MGMT: variants seen among roughly 807,000 people sequenced by gnomAD.
MGMT encodes the protein O-6-methylguanine-DNA methyltransferase.
Under a neutral mutation model 15.9 loss-of-function variants are expected in MGMT, and 14 were observed. The observed-to-expected ratio is 0.88, with a 90% CI of 0.58 to 1.37. MGMT has a LOEUF of 1.37. Ranked by LOEUF, MGMT falls within the 40% of genes most tolerant of loss-of-function variation. The pLI, the probability that MGMT is intolerant of heterozygous loss-of-function variation, is 0.00. For synonymous variants in MGMT, 130 were observed against 118.2 expected (o/e 1.10, Z -0.65); for missense variants, 282 against 268.1 (o/e 1.05, Z -0.36).
chr10:129,698,274 C>T (rs527722603), intron 2 of MGMT, among the ~76,000 whole-genome samples: 2 of 152,220 alleles, frequency 1.3e-5, no homozygotes, highest in East Asian at 1.9e-4. Context: ...TGACAGACAC[C>T]AGCGGTTGAC....
chr10:129,635,402 G>A (rs746498254), intron 2 of MGMT, among the ~76,000 whole-genome samples: 3 of 152,198 alleles, frequency 2.0e-5, no homozygotes, highest in Admixed American at 6.5e-5. Flanking sequence ...GTGCCCCTCC[G>A]GGTGCCCGGA....
intron 3 of MGMT, among the ~76,000 whole-genome samples, chr10:129,751,511 TTTG>T (rs1848750360): frequency 6.6e-6 from 1 of 151,926 alleles, no homozygotes; most frequent in African/African-American, 2.4e-5. Context: ...TGTTTTCAAT[TTTG>T]TTGATTTTCG....
At chr10:129,560,628 AC>A (rs1486972222) in intron 2 of MGMT, among the ~76,000 whole-genome samples, 2 of 152,214 alleles carry the variant, frequency 1.3e-5, no homozygotes, top group African/African-American at 2.4e-5. Flanking sequence ...TAGACATTTC[AC>A]ATTGAATTAT....
chr10:129,519,546 G>C (rs1003646959), intron 1 of MGMT, among the ~76,000 whole-genome samples: 3 of 152,176 alleles, frequency 2.0e-5, no homozygotes, highest in African/African-American at 7.2e-5. Flanking sequence ...CCTTTACGGA[G>C]TTCAGTGCCG....
intron 4 of MGMT, 35 bp from the exon 5 acceptor site, chr10:129,766,753 C>A (rs1182078785): frequency 1.3e-6 from 2 of 1,585,908 alleles, no homozygotes; most frequent in Admixed American, 1.7e-5. Context: ...TTGTCCAGAT[C>A]CCTGACTGAC....
chr10:129,537,754 A>G (rs1240534676), intron 2 of MGMT, among the ~76,000 whole-genome samples: 2 of 152,252 alleles, frequency 1.3e-5, no homozygotes, highest in African/African-American at 4.8e-5. Flanking sequence ...GTTCAGGTGT[A>G]AAAACAGCCG....
At chr10:129,690,005 T>A (rs571041736) in intron 2 of MGMT, among the ~76,000 whole-genome samples, 1 of 152,224 alleles carries the variant, frequency 6.6e-6, no homozygotes, top group Non-Finnish European at 1.5e-5. Context: ...CCTAGGTCTG[T>A]GAATGTTTGT....
intron 3 of MGMT, among the ~76,000 whole-genome samples, chr10:129,713,680 G>C (rs1431125155): frequency 6.6e-6 from 1 of 152,196 alleles, no homozygotes; most frequent in Non-Finnish European, 1.5e-5. Flanking sequence ...ATCAGTGAAA[G>C]TGCAGGATGT....
intron 2 of MGMT, among the ~76,000 whole-genome samples, chr10:129,665,310 C>G (rs1265575993): frequency 1.4e-5 from 2 of 147,854 alleles, no homozygotes; most frequent in Non-Finnish European, 3.0e-5. Context: ...CCAACTCTCT[C>G]TCTCTCTCTA....
chr10:129,484,067 G>T (rs1368907875), intron 1 of MGMT, among the ~76,000 whole-genome samples: 1 of 152,158 alleles, frequency 6.6e-6, no homozygotes, highest in East Asian at 1.9e-4. Flanking sequence ...GTCATACAAG[G>T]TCAGGTGTGG....
intron 3 of MGMT, among the ~76,000 whole-genome samples, chr10:129,729,075 TGGGTGGGGAG>T (rs1385366599): frequency 2.0e-5 from 3 of 151,074 alleles, no homozygotes; most frequent in East Asian, 4.0e-4. Context: ...CCCCTGCCAC[TGGGTGGGGAG>T]GGGTGGGGAC....
intron 3 of MGMT, among the ~76,000 whole-genome samples, chr10:129,725,623 C>T (rs1441759915): frequency 3.9e-5 from 6 of 152,226 alleles, no homozygotes; most frequent in South Asian, 2.1e-4. Flanking sequence ...TCCAAAGTGC[C>T]GCCCAGGGCT....
At chr10:129,596,925 G>A (rs145922723) in intron 2 of MGMT, among the ~76,000 whole-genome samples, 1 of 152,274 alleles carries the variant, frequency 6.6e-6, no homozygotes, top group Non-Finnish European at 1.5e-5. Flanking sequence ...CACTGCTTTA[G>A]TGGATGTAGG....
chr10:129,478,024 T>A (rs1003789254), intron 1 of MGMT, among the ~76,000 whole-genome samples: 1 of 152,124 alleles, frequency 6.6e-6, no homozygotes, highest in Admixed American at 6.6e-5. Flanking sequence ...GTTGTGGGAA[T>A]AGGGGACAGC....
chr10:129,655,744 G>A (rs1847518385), intron 2 of MGMT, among the ~76,000 whole-genome samples: 1 of 152,210 alleles, frequency 6.6e-6, no homozygotes, highest in Admixed American at 6.5e-5. Context: ...GTCGTTACGT[G>A]AGCAGGAGGG....
chr10:129,484,741 TCTG>T (rs1165951036), intron 1 of MGMT, among the ~76,000 whole-genome samples: 2 of 152,168 alleles, frequency 1.3e-5, no homozygotes, highest in African/African-American at 4.8e-5. Context: ...TGGACTTTGT[TCTG>T]CTGCAGGTTC....
intron 2 of MGMT, among the ~76,000 whole-genome samples, chr10:129,627,766 C>T (rs1184525110): frequency 1.3e-5 from 2 of 152,152 alleles, no homozygotes; most frequent in East Asian, 1.9e-4. Context: ...TATAGACACT[C>T]GACTGTCATC....
At chr10:129,639,042 T>C (rs1381130712) in intron 2 of MGMT, among the ~76,000 whole-genome samples, 2 of 152,210 alleles carry the variant, frequency 1.3e-5, no homozygotes, top group Middle Eastern at 3.4e-3. Context: ...ACAAAAATAA[T>C]TTGTATTCTT....
Position 129,533,414 on chromosome 10 carries a change from C to T in MGMT, c.-12-2827C>T, listed in dbSNP as rs1845953379. Among the ~76,000 whole-genome samples the T allele has an allele frequency of 6.6e-6, 1 of 152,180 alleles. No homozygotes were observed. Among genetic ancestry groups the T allele is most frequent in the African/African-American group, 2.4e-5 (1 of 41,442 alleles). Reference sequence around the variant, plus strand: ...AGCCCTGAGCCCAGGCCTCCTGACTCCGACAGCCTGCAGCCCTGCCCGAAC... The same window carrying T: ...AGCCCTGAGCCCAGGCCTCCTGACTTCGACAGCCTGCAGCCCTGCCCGAAC... On this transcript the variant is annotated intron_variant, in intron 1 of 4. Coordinates refer to ENST00000651593, the MANE Select transcript of MGMT (RefSeq NM_002412.5). This position sits in a 1 kb window ranked among gnomAD's most constrained non-coding sequence, Gnocchi z 4.5.
Sources: gnomAD v4.1 joint callset for allele counts (sites outside exome capture counted in the v4.1 genomes callset) on GRCh38, gnomAD v4.1.1 for gene constraint, Gnocchi (gnomAD v3.1) non-coding constraint, MANE v1.5 for transcripts, NCBI Gene and HGNC (gene_info 2026-07-23, HGNC 2026-07-21) for gene names.